Variants in ASTN2 observed in about 807,000 individuals in gnomAD.
ASTN2 encodes the protein astrotactin-2.
Under a neutral mutation model 139.8 loss-of-function variants are expected in ASTN2, and 54 were observed. The ratio of observed to expected loss-of-function variants is 0.39; its 90% CI spans 0.31 to 0.48. The LOEUF (loss-of-function observed/expected upper bound fraction) is 0.48, where lower values mean the gene tolerates loss of function less well. Ranked by LOEUF, ASTN2 falls within the 20% of genes least tolerant of loss-of-function variation. The probability of loss-of-function intolerance (pLI) is 0.95; values close to 1 mark genes in which losing one functional copy is unlikely to be tolerated. For missense variants in ASTN2, 1,565 were observed against 1,725.1 expected, an observed-to-expected ratio of 0.91 and a Z score of 1.64; for synonymous variants, 756 against 719.5, an observed-to-expected ratio of 1.05 and a Z score of -0.81.
At chr9:116,900,480 T>C (rs554314052) in intron 10 of ASTN2, among the ~76,000 whole-genome samples, 1 of 152,304 alleles carries the variant, frequency 6.6e-6, no homozygotes, top group African/African-American at 2.4e-5. Flanking sequence ...GAGAGAGAAA[T>C]CATTTTGAGG....
intron 10 of ASTN2, among the ~76,000 whole-genome samples, chr9:116,888,808 A>G (rs1209635218): frequency 1.3e-5 from 2 of 152,140 alleles, no homozygotes; most frequent in African/African-American, 2.4e-5. Context: ...TCACCTAGGT[A>G]TTAAGCCCCG....
intron 1 of ASTN2, among the ~76,000 whole-genome samples, chr9:117,309,334 A>G (rs975107632): frequency 1.4e-4 from 21 of 152,366 alleles, no homozygotes; most frequent in African/African-American, 3.8e-4. Flanking sequence ...GCAGAGCTAG[A>G]TAGACCTTAA....
rs138620102 is a variant in ASTN2 at position 117,114,024 on chromosome 9, C to T, written c.1169-17873G>A. ...TTTAATAAAGATCATTTTTAAGTTG[C>T]ATGTAGAAAAATATAAGTAAAGCTT... On this transcript the variant is annotated intron_variant, in intron 4 of 22. Transcript: ENST00000313400. Among the ~76,000 whole-genome samples, 26 of 150,082 alleles carry T rather than the reference C, an allele frequency of 1.7e-4. No individual in the cohort carries two copies. The East Asian group carries it at 4.4e-3, about 26-fold the overall frequency.
intron 11 of ASTN2, among the ~76,000 whole-genome samples, chr9:116,830,628 C>G (rs184948034): frequency 1.0e-5 from 1 of 97,788 alleles, no homozygotes; most frequent in Admixed American, 1.2e-4. Flanking sequence ...CCTGTCTCTA[C>G]TAAAAGTACA....
chr9:116,862,714 C>A lies in ASTN2; in HGVS notation c.2040+869G>T, dbSNP rs147836420. 2.6e-3 allele frequency among the ~76,000 whole-genome samples: 391 copies of A among 151,888 alleles called. 1 individual carries two copies. Among genetic ancestry groups the A allele is most frequent in the African/African-American group, 8.9e-3 (367 of 41,390 alleles). On this transcript the variant is annotated intron_variant, in intron 11 of 22. Coordinates refer to ENST00000313400, the MANE Select transcript of ASTN2 (RefSeq NM_001365068.1). ...TGTGGCTGGAGAAACTGAAAAGGGA[C>A]CACAGAAAGAAGAGCATTGAATGCC...
At chr9:116,959,230 A>G (rs1835809779) in intron 10 of ASTN2, among the ~76,000 whole-genome samples, 1 of 152,168 alleles carries the variant, frequency 6.6e-6, no homozygotes, top group African/African-American at 2.4e-5. Context: ...GTGTGTGCCA[A>G]GCCCTAATGG....
chr9:117,352,505 C>A (rs1829419894), intron 1 of ASTN2, among the ~76,000 whole-genome samples: 1 of 152,150 alleles, frequency 6.6e-6, no homozygotes, highest in South Asian at 2.1e-4. Context: ...AATTGGCCAA[C>A]AGTTGTTGAG....
At chr9:117,151,973 G>A (rs1205438342) in intron 3 of ASTN2, among the ~76,000 whole-genome samples, 1 of 152,100 alleles carries the variant, frequency 6.6e-6, no homozygotes, top group Non-Finnish European at 1.5e-5. Flanking sequence ...CAGAGTGTAG[G>A]GATCTGGACA....
chr9:116,643,697 A>G (rs1307931700), intron 17 of ASTN2, among the ~76,000 whole-genome samples: 3 of 152,194 alleles, frequency 2.0e-5, no homozygotes, highest in Non-Finnish European at 4.4e-5. Flanking sequence ...CACATAGTAC[A>G]TATATATGTA....
intron 6 of ASTN2, among the ~76,000 whole-genome samples, chr9:117,020,042 G>GTA (rs1243794722): frequency 6.9e-6 from 1 of 145,676 alleles, no homozygotes; most frequent in Non-Finnish European, 1.5e-5. Context: ...GTGTGTGTGT[G>GTA]TGTATGTGTG....
At chr9:117,219,530 G>A (rs569317338) in intron 2 of ASTN2, among the ~76,000 whole-genome samples, 2 of 152,302 alleles carry the variant, frequency 1.3e-5, no homozygotes, top group Admixed American at 1.3e-4. Flanking sequence ...TGCCAAGTCC[G>A]ATTTGTACCG....
intron 10 of ASTN2, among the ~76,000 whole-genome samples, chr9:116,893,931 C>T (rs1046014872): frequency 6.6e-6 from 1 of 152,180 alleles, no homozygotes; most frequent in Non-Finnish European, 1.5e-5. Flanking sequence ...TTGGTCAGAA[C>T]CCTGCTTGAG....
At chr9:116,700,631 A>G (rs1861123171) in intron 16 of ASTN2, 1 of 167,048 alleles carries the variant, frequency 6.0e-6, no homozygotes, top group Non-Finnish European at 1.5e-5. Context: ...TTACTAAAAC[A>G]AACAGCAAAA....
At chr9:116,466,485 C>A (rs185646792) in intron 20 of ASTN2, among the ~76,000 whole-genome samples, 1 of 152,144 alleles carries the variant, frequency 6.6e-6, no homozygotes, top group Non-Finnish European at 1.5e-5. Context: ...TCCTACCAGC[C>A]CATTCTCTCT....
intron 5 of ASTN2, among the ~76,000 whole-genome samples, chr9:117,091,986 G>A (rs528290181): frequency 6.6e-6 from 1 of 152,116 alleles, no homozygotes; most frequent in Non-Finnish European, 1.5e-5. Context: ...GTAGAGAAGG[G>A]GAGAACTTGT....
At chr9:116,935,972 C>T (rs942093919) in intron 10 of ASTN2, among the ~76,000 whole-genome samples, 1 of 151,148 alleles carries the variant, frequency 6.6e-6, no homozygotes, top group Non-Finnish European at 1.5e-5. Context: ...GCCTGGGTCA[C>T]ATGGTTAGTG....
At chr9:116,837,174 G>A (rs1312103726) in intron 11 of ASTN2, among the ~76,000 whole-genome samples, 1 of 152,184 alleles carries the variant, frequency 6.6e-6, no homozygotes, top group Non-Finnish European at 1.5e-5. Context: ...TGGGGAAGCA[G>A]GCTCTGTGCA....
intron 6 of ASTN2, among the ~76,000 whole-genome samples, chr9:117,037,793 C>G (rs1838431820): frequency 6.6e-6 from 1 of 152,142 alleles, no homozygotes; most frequent in African/African-American, 2.4e-5. Flanking sequence ...GTTCATCACT[C>G]CTACTCCTCC....
chr9:116,752,418 C>T (rs1195368306), intron 13 of ASTN2, among the ~76,000 whole-genome samples: 2 of 151,902 alleles, frequency 1.3e-5, no homozygotes, highest in African/African-American at 4.8e-5. Context: ...ATGTAAAAAC[C>T]TACAAAACTT....
Sources: gnomAD v4.1 joint callset for allele counts (sites outside exome capture counted in the v4.1 genomes callset) on GRCh38, gnomAD v4.1.1 for gene constraint, MANE v1.5 for transcripts, NCBI Gene and HGNC (gene_info 2026-07-23, HGNC 2026-07-21) for gene names.